Variants in ASIC2 observed in about 807,000 individuals in gnomAD.
ASIC2 encodes the protein acid-sensing ion channel 2.
ASIC2 carries 25 observed loss-of-function variants against 57.3 expected under a neutral mutation model. That is an observed-to-expected ratio of 0.44 (90% CI 0.32 to 0.61). The LOEUF (loss-of-function observed/expected upper bound fraction) is 0.61, where lower values mean the gene tolerates loss of function less well. Among genes scored for constraint, ASIC2 ranks in the 20% least tolerant of loss-of-function variants. The pLI, the probability that ASIC2 is intolerant of heterozygous loss-of-function variation, is 0.06. For synonymous variants in ASIC2, 319 were observed against 307.5 expected, an observed-to-expected ratio of 1.04 and a Z score of -0.39; for missense variants, 641 against 738.1, an observed-to-expected ratio of 0.87 and a Z score of 1.52.
At chr17:33,462,708 T>C (rs913620600) in intron 1 of ASIC2, among the ~76,000 whole-genome samples, 34 of 152,240 alleles carry the variant, frequency 2.2e-4, no homozygotes, top group African/African-American at 8.0e-4. Flanking sequence ...GTAAGTATGA[T>C]CTATAAGTAG....
chr17:33,078,564 A>G (rs763718373), intron 3 of ASIC2, among the ~76,000 whole-genome samples: 7 of 152,232 alleles, frequency 4.6e-5, no homozygotes, highest in South Asian at 2.1e-4. Context: ...AGTTTACAGT[A>G]TACTGGGGGC....
At chr17:34,049,086 C>A (rs930814692) in intron 1 of ASIC2, among the ~76,000 whole-genome samples, 5 of 152,018 alleles carry the variant, frequency 3.3e-5, no homozygotes, top group African/African-American at 1.2e-4. Flanking sequence ...TCACTTGAGC[C>A]CAGGAGTTCA....
At chr17:33,365,315 A>G (rs1293080647) in intron 1 of ASIC2, among the ~76,000 whole-genome samples, 1 of 151,986 alleles carries the variant, frequency 6.6e-6, no homozygotes, top group Non-Finnish European at 1.5e-5. Context: ...CTCATGCTGC[A>G]TAAGTATTGT....
At chr17:33,646,961 G>A (rs957692330) in intron 1 of ASIC2, among the ~76,000 whole-genome samples, 3 of 152,108 alleles carry the variant, frequency 2.0e-5, no homozygotes, top group African/African-American at 4.8e-5. Context: ...GGCTCCTTGT[G>A]AACATATTTT....
intron 1 of ASIC2, among the ~76,000 whole-genome samples, chr17:34,153,757 G>A (rs369143025): frequency 1.3e-5 from 2 of 152,234 alleles, no homozygotes; most frequent in African/African-American, 4.8e-5. Context: ...TAGAGGGCCA[G>A]CCTGAGGAAT....
chr17:33,281,857 A>G (rs965380991), intron 1 of ASIC2, among the ~76,000 whole-genome samples: 3 of 152,196 alleles, frequency 2.0e-5, no homozygotes, highest in African/African-American at 7.2e-5. Context: ...CACCCAGCCA[A>G]CATAATACCT....
chr17:33,084,565 G>A (rs899437763), intron 3 of ASIC2, among the ~76,000 whole-genome samples: 1 of 152,212 alleles, frequency 6.6e-6, no homozygotes, highest in African/African-American at 2.4e-5. Flanking sequence ...ATTCAACCAC[G>A]CAGTTTTGTC....
At chr17:34,125,998 T>C (rs1226475572) in intron 1 of ASIC2, among the ~76,000 whole-genome samples, 1 of 151,960 alleles carries the variant, frequency 6.6e-6, no homozygotes. Context: ...TGGAGCGGAG[T>C]GGGACTGTGG....
At chr17:33,219,885 C>T (rs1297950950) in intron 1 of ASIC2, among the ~76,000 whole-genome samples, 1 of 152,144 alleles carries the variant, frequency 6.6e-6, no homozygotes, top group Non-Finnish European at 1.5e-5. Flanking sequence ...TTCTCAGGGT[C>T]CCCTGGGCTC....
At chr17:33,735,184 T>C (rs1326035138) in intron 1 of ASIC2, among the ~76,000 whole-genome samples, 3 of 152,130 alleles carry the variant, frequency 2.0e-5, no homozygotes, top group African/African-American at 7.2e-5. Flanking sequence ...TTTCTACTGC[T>C]TGCCTCTGCC....
chr17:33,604,519 A>G (rs1327626020), intron 1 of ASIC2, among the ~76,000 whole-genome samples: 2 of 152,202 alleles, frequency 1.3e-5, no homozygotes, highest in African/African-American at 2.4e-5. Flanking sequence ...CATGGCAAAC[A>G]GTTGTGGAGC....
intron 1 of ASIC2, among the ~76,000 whole-genome samples, chr17:33,237,399 G>A (rs1009584302): frequency 6.6e-6 from 1 of 151,738 alleles, no homozygotes; most frequent in East Asian, 1.9e-4. Flanking sequence ...TGCCCAGGCT[G>A]GAGTGCAATG....
chr17:33,617,644 C>A (rs1905650018), intron 1 of ASIC2, among the ~76,000 whole-genome samples: 1 of 152,112 alleles, frequency 6.6e-6, no homozygotes, highest in Non-Finnish European at 1.5e-5. Flanking sequence ...TACCCCGGAC[C>A]TAAAATAAAA....
At chr17:33,665,359 T>C (rs1312061153) in intron 1 of ASIC2, among the ~76,000 whole-genome samples, 1 of 152,148 alleles carries the variant, frequency 6.6e-6, no homozygotes, top group Non-Finnish European at 1.5e-5. Context: ...GGCACCGTGA[T>C]GTAAAGCCAC....
chr17:33,887,347 A>C (rs959468638), intron 1 of ASIC2, among the ~76,000 whole-genome samples: 6 of 152,190 alleles, frequency 3.9e-5, no homozygotes, highest in African/African-American at 1.4e-4. Context: ...TGGATACACT[A>C]TGATCAGGGT....
intron 1 of ASIC2, among the ~76,000 whole-genome samples, chr17:33,372,004 T>C (rs7220131): frequency 0.96 from 146,389 of 152,106 alleles, 70,490 homozygotes; most frequent in East Asian, 0.99. Context: ...GTGGTCACAA[T>C]ACTGAGTGTG....
At chr17:33,563,462 G>A (rs957240291) in intron 1 of ASIC2, among the ~76,000 whole-genome samples, 17 of 152,274 alleles carry the variant, frequency 1.1e-4, no homozygotes, top group African/African-American at 3.8e-4. Context: ...CTGTAAAAAT[G>A]TATAGCTCTA....
chr17:33,308,824 T>C (rs1216166365), intron 1 of ASIC2, among the ~76,000 whole-genome samples: 2 of 151,540 alleles, frequency 1.3e-5, no homozygotes, highest in Non-Finnish European at 2.9e-5. Flanking sequence ...GTGCCTTTTT[T>C]TGTGAAAAAA....
At chr17:33,585,930 TC>T (rs1037241026) in intron 1 of ASIC2, among the ~76,000 whole-genome samples, 1 of 152,194 alleles carries the variant, frequency 6.6e-6, no homozygotes, top group Non-Finnish European at 1.5e-5. Context: ...TCCACTAGTG[TC>T]CTTTTTGGAG....
Sources: allele counts gnomAD v4.1 joint callset (sites outside exome capture counted in the v4.1 genomes callset), GRCh38; gene constraint gnomAD v4.1.1; transcripts MANE v1.5; gene names NCBI Gene and HGNC (gene_info 2026-07-23, HGNC 2026-07-21).